XKR3: variants seen among roughly 807,000 people sequenced by gnomAD.
The protein encoded by XKR3 is XK-related protein 3.
Under a neutral mutation model 40.3 loss-of-function variants are expected in XKR3, and 27 were observed. The observed-to-expected ratio is 0.67, with a 90% CI of 0.49 to 0.92. The LOEUF (loss-of-function observed/expected upper bound fraction) is 0.92. XKR3 is among the 40% of genes least tolerant of loss of function. The probability of loss-of-function intolerance (pLI) is 0.00; values close to 1 mark genes in which losing one functional copy is unlikely to be tolerated. For synonymous variants in XKR3, 193 were observed against 195.4 expected (o/e 0.99, Z 0.10); for missense variants, 472 against 537.6 (o/e 0.88, Z 1.21).
At position 16,804,903 on chromosome 22, in the gene XKR3, A is replaced by C. The variant is rs1459093053; in HGVS notation, c.335+2836T>G. Among the ~76,000 whole-genome samples, 4 of 152,336 alleles carry C rather than the reference A, an allele frequency of 2.6e-5. No individual in the cohort carries two copies. The East Asian group carries it at 5.8e-4, about 22-fold the overall frequency. Reference sequence around the variant, plus strand: ...CACATGTACTCAGGACTTCCTGGGAACAGTATCATAGCCCACGGTCACTCA... The same window carrying C: ...CACATGTACTCAGGACTTCCTGGGACCAGTATCATAGCCCACGGTCACTCA... On this transcript the variant is annotated intron_variant, in intron 2 of 3. Transcript: ENST00000684488.
chr22:16,815,629 G>C (rs1248013720), intron 1 of XKR3, among the ~76,000 whole-genome samples: 1 of 151,868 alleles, frequency 6.6e-6, no homozygotes, highest in African/African-American at 2.4e-5. Flanking sequence ...TAGTGGTTAA[G>C]ACACATATTT....
chr22:16,813,067 G>C (rs1248976223), intron 1 of XKR3, among the ~76,000 whole-genome samples: 3 of 152,092 alleles, frequency 2.0e-5, no homozygotes, highest in African/African-American at 7.2e-5. Flanking sequence ...GGTGGATCAC[G>C]AGGTCAGGAG....
In XKR3 at chr22:16,803,077, C is replaced by CATAT. The variant is rs56137788; in HGVS notation, c.336-3057_336-3054dup. Among the ~76,000 whole-genome samples the CATAT allele has an allele frequency of 2.4e-3, 358 of 149,726 alleles. 1 individual carries two copies. Among genetic ancestry groups the CATAT allele is most frequent in the South Asian group, 6.8e-3 (32 of 4,736 alleles). On this transcript the variant is annotated intron_variant, in intron 2 of 3. Transcript: ENST00000684488. ...TAAGGTTGGTAGTGTCCTCAATTGA[C>CATAT]ATATATATATATATACACACACAAT... is the stretch of plus-strand genomic sequence containing the variant.
chr22:16,806,560 C>T (rs1473591784), intron 2 of XKR3, among the ~76,000 whole-genome samples: 4 of 149,476 alleles, frequency 2.7e-5, no homozygotes, highest in African/African-American at 7.4e-5. Context: ...GCTTCAGCCT[C>T]CCAAATAGCT....
In XKR3 at chr22:16,820,729, A is replaced by T. The variant is rs189440786; in HGVS notation, c.-11+4562T>A. ...CTTAACAAAAAAACAGTTGCATAAT[A>T]TCTAAGAAATGACAGAGTAATCAGG... On this transcript the variant is annotated intron_variant, in intron 1 of 3. Transcript: ENST00000684488. Among the ~76,000 whole-genome samples the T allele has an allele frequency of 3.6e-3, 551 of 152,344 alleles. 2 individuals carry two copies. Among genetic ancestry groups the T allele is most frequent in the Middle Eastern group, 0.01 (3 of 294 alleles).
chr22:16,807,662 C>T (rs769578128), intron 2 of XKR3, 77 bp downstream of exon 2: 18 of 1,284,866 alleles, frequency 1.4e-5, no homozygotes, highest in Non-Finnish European at 1.9e-5. Flanking sequence ...TTATGGCATC[C>T]TTAATCTTTT....
Position 16,791,735 on chromosome 22 carries a change from AAGAGGGAGAG to A in XKR3, c.590-7336_590-7327del, listed in dbSNP as rs1487036692. Among the ~76,000 whole-genome samples, 22 of 116,872 alleles carry A rather than the reference AAGAGGGAGAG, an allele frequency of 1.9e-4. 1 individual carries two copies. In the East Asian group the frequency reaches 3.7e-3, roughly 20 times the overall value. 76.7% of individuals were successfully genotyped at this position (116,872 alleles called of 152,430 possible). A position where few individuals can be genotyped will look rare whatever the true frequency, so the allele number is the denominator to read the frequency against. On this transcript the variant is annotated intron_variant, in intron 3 of 3. Transcript: ENST00000684488. ...GGAGAGAGAGAGGGAGAGAGGGAGA[AAGAGGGAGAG>A]AGAGGGAGAGAGAGGGAGAGAGGGA... is the stretch of plus-strand genomic sequence containing the variant.
At chr22:16,785,956 A>G (rs1385655464) in intron 3 of XKR3, among the ~76,000 whole-genome samples, 2 of 152,200 alleles carry the variant, frequency 1.3e-5, no homozygotes, top group Non-Finnish European at 1.5e-5. Flanking sequence ...TTCCTCGTCT[A>G]AATTTATTAT....
intron 1 of XKR3, among the ~76,000 whole-genome samples, chr22:16,813,779 G>A (rs1601850276): frequency 2.6e-5 from 4 of 152,138 alleles, no homozygotes. Flanking sequence ...CTCACTTTAT[G>A]TTCCCACTAG....
intron 3 of XKR3, among the ~76,000 whole-genome samples, chr22:16,798,966 G>A (rs372829602): frequency 8.5e-5 from 13 of 152,274 alleles, no homozygotes; most frequent in African/African-American, 3.1e-4. Flanking sequence ...ATATTCCCAT[G>A]TAACAAGCCT....
Position 16,793,304 on chromosome 22 carries a change from C to A in XKR3, c.589+6467G>T, listed in dbSNP as rs377139528. On this transcript the variant is annotated intron_variant, in intron 3 of 3. Transcript: ENST00000684488. Reference sequence around the variant, plus strand: ...TGGGATTACAGGCGTGAGCCACTGCCCCTGGCCCTCGTGACTATTTTTTGA... The same window carrying A: ...TGGGATTACAGGCGTGAGCCACTGCACCTGGCCCTCGTGACTATTTTTTGA... Among the ~76,000 whole-genome samples the A allele has an allele frequency of 9.8e-5, 15 of 152,308 alleles. No homozygotes were observed. The East Asian group carries it at 2.7e-3, about 27-fold the overall frequency.
chr22:16,786,676 TC>T (rs1404747970), intron 3 of XKR3, among the ~76,000 whole-genome samples: 1 of 152,122 alleles, frequency 6.6e-6, no homozygotes, highest in Non-Finnish European at 1.5e-5. Flanking sequence ...GCATTAGGAT[TC>T]CCCCTACTTC....
intron 3 of XKR3, among the ~76,000 whole-genome samples, chr22:16,799,091 C>T (rs1025231041): frequency 1.3e-5 from 2 of 152,256 alleles, no homozygotes; most frequent in African/African-American, 4.8e-5. Flanking sequence ...CACATTCTCA[C>T]TTTCATGCAG....
At chr22:16,794,800 T>C (rs1221190660) in intron 3 of XKR3, among the ~76,000 whole-genome samples, 27 of 152,062 alleles carry the variant, frequency 1.8e-4, no homozygotes, top group Non-Finnish European at 2.8e-4. Flanking sequence ...TCACATCCAA[T>C]GACACCTGTA....
rs536198850 is a variant in XKR3 at position 16,802,021 on chromosome 22, A to G, written c.336-1997T>C. Among the ~76,000 whole-genome samples, 11 of 152,336 alleles carry G rather than the reference A, an allele frequency of 7.2e-5. No homozygotes were observed. The East Asian group carries it at 2.1e-3, about 29-fold the overall frequency. ...AAGTAACACCATTCTTTAAACAAAC[A>G]GAATATTTTCAATATCTCCAAAGTC... On this transcript the variant is annotated intron_variant, in intron 2 of 3. Coordinates refer to ENST00000684488, the MANE Select transcript of XKR3 (RefSeq NM_001386955.1).
chr22:16,813,152 C>T (rs2110438), intron 1 of XKR3, among the ~76,000 whole-genome samples: 27,724 of 151,818 alleles, frequency 0.18, 2,862 homozygotes, highest in East Asian at 0.32. Context: ...GGCGTGGTGG[C>T]AGGTGCCTGT....
At chr22:16,813,185 G>A (rs1278968270) in intron 1 of XKR3, among the ~76,000 whole-genome samples, 2 of 152,072 alleles carry the variant, frequency 1.3e-5, no homozygotes, top group Middle Eastern at 3.2e-3. Context: ...TCGGGAGGCT[G>A]AGGCAGGAGT....
intron 2 of XKR3, among the ~76,000 whole-genome samples, chr22:16,802,875 C>A (rs1569039651): frequency 6.6e-6 from 1 of 152,120 alleles, no homozygotes; most frequent in Admixed American, 6.6e-5. Context: ...TCATCCTTTT[C>A]TTTTTATTTT....
At chr22:16,786,385 T>G (rs2060091170) in intron 3 of XKR3, among the ~76,000 whole-genome samples, 2 of 152,068 alleles carry the variant, frequency 1.3e-5, no homozygotes, top group Non-Finnish European at 1.5e-5. Context: ...GACTTTCACT[T>G]GGGTCTTTAT....
Sources: gnomAD v4.1 joint callset for allele counts (sites outside exome capture counted in the v4.1 genomes callset) on GRCh38, gnomAD v4.1.1 for gene constraint, MANE v1.5 for transcripts, NCBI Gene and HGNC (gene_info 2026-07-23, HGNC 2026-07-21) for gene names.